ADGRL2: variants seen among roughly 807,000 people sequenced by gnomAD.
The protein encoded by ADGRL2 is calcium-independent alpha-latrotoxin receptor 2.
A neutral mutation model predicts 157.4 loss-of-function variants in ADGRL2; 44 were observed. The ratio of observed to expected loss-of-function variants is 0.28; its 90% CI spans 0.22 to 0.36. ADGRL2 has a LOEUF of 0.36. Ranked by LOEUF, ADGRL2 falls within the 10% of genes least tolerant of loss-of-function variation. The pLI is 1.00. For missense variants in ADGRL2, 1,510 were observed against 1,768.9 expected, an observed-to-expected ratio of 0.85 and a Z score of 2.63; for synonymous variants, 585 against 624.7, an observed-to-expected ratio of 0.94 and a Z score of 0.95.
intron 1 of ADGRL2, among the ~76,000 whole-genome samples, chr1:81,342,973 CT>C (rs997679146): frequency 9.9e-5 from 15 of 151,916 alleles, no homozygotes; most frequent in African/African-American, 2.9e-4. Flanking sequence ...ATGCAAGTAA[CT>C]TTTTTTCCTA....
chr1:81,792,601 G>C (rs568719363), intron 2 of ADGRL2, among the ~76,000 whole-genome samples: 1 of 152,176 alleles, frequency 6.6e-6, no homozygotes, highest in African/African-American at 2.4e-5. Context: ...AAGTGGCAAA[G>C]ACTTCAAGGG....
chr1:81,950,505 C>A, intron 7 of ADGRL2, 23 bp downstream of exon 7: 1 of 1,584,456 alleles, frequency 6.3e-7, no homozygotes, highest in Non-Finnish European at 8.6e-7. Flanking sequence ...AACTACCATG[C>A]ATACATTTTT....
intron 3 of ADGRL2, among the ~76,000 whole-genome samples, chr1:81,586,934 T>C (rs1237035069): frequency 6.6e-6 from 1 of 152,066 alleles, no homozygotes; most frequent in East Asian, 1.9e-4. Context: ...GAAAGTTATA[T>C]AATTCAAGCA....
intron 1 of ADGRL2, among the ~76,000 whole-genome samples, chr1:81,405,183 A>T (rs1470050296): frequency 6.6e-6 from 1 of 152,124 alleles, no homozygotes; most frequent in Non-Finnish European, 1.5e-5. Flanking sequence ...CACTCTGAGG[A>T]GCAGCATGCT....
intron 3 of ADGRL2, among the ~76,000 whole-genome samples, chr1:81,671,844 G>A (rs542046084): frequency 1.3e-5 from 2 of 152,300 alleles, no homozygotes; most frequent in South Asian, 4.1e-4. Flanking sequence ...GAGCTCTCAG[G>A]TGATGCTGGT....
At chr1:81,455,979 T>A (rs955270971) in intron 2 of ADGRL2, among the ~76,000 whole-genome samples, 1 of 152,218 alleles carries the variant, frequency 6.6e-6, no homozygotes, top group Non-Finnish European at 1.5e-5. Context: ...AAATTATAGT[T>A]GTAAGTTTCA....
At chr1:81,853,638 T>TA (rs1286890056) in intron 2 of ADGRL2, among the ~76,000 whole-genome samples, 1 of 152,198 alleles carries the variant, frequency 6.6e-6, no homozygotes, top group Non-Finnish European at 1.5e-5. Context: ...TCAAAGACTG[T>TA]AAAAAATGAA....
At chr1:81,817,671 G>A (rs184605404) in intron 1 of ADGRL2, among the ~76,000 whole-genome samples, 1 of 152,128 alleles carries the variant, frequency 6.6e-6, no homozygotes, top group Admixed American at 6.6e-5. Context: ...TTTATAGGGT[G>A]TAATAAAAAT....
chr1:81,625,094 C>T (rs901611633), intron 3 of ADGRL2, among the ~76,000 whole-genome samples: 1 of 152,274 alleles, frequency 6.6e-6, no homozygotes, highest in Admixed American at 6.5e-5. Context: ...ACAGAACAAG[C>T]ATTATCATCA....
At chr1:81,486,699 A>G (rs538019166) in intron 2 of ADGRL2, among the ~76,000 whole-genome samples, 1 of 152,242 alleles carries the variant, frequency 6.6e-6, no homozygotes, top group Non-Finnish European at 1.5e-5. Context: ...TTCCACCATG[A>G]CCTTTGTTCA....
intron 1 of ADGRL2, among the ~76,000 whole-genome samples, chr1:81,384,958 A>G (rs536600251): frequency 3.3e-5 from 5 of 152,254 alleles, no homozygotes; most frequent in Non-Finnish European, 4.4e-5. Context: ...TCTTCCTCCT[A>G]TTCAATTTGA....
intron 1 of ADGRL2, among the ~76,000 whole-genome samples, chr1:81,709,324 T>C (rs1381367516): frequency 2.0e-5 from 3 of 152,174 alleles, no homozygotes; most frequent in Non-Finnish European, 4.4e-5. Flanking sequence ...GCTTTAGCTC[T>C]TGGGTATAGT....
At chr1:81,636,366 TA>T in intron 3 of ADGRL2, among the ~76,000 whole-genome samples, 1 of 152,300 alleles carries the variant, frequency 6.6e-6, no homozygotes, top group East Asian at 1.9e-4. Context: ...TTTTTAAATT[TA>T]AACAAACATA....
At chr1:81,819,814 C>T (rs536916437) in intron 1 of ADGRL2, among the ~76,000 whole-genome samples, 1 of 152,228 alleles carries the variant, frequency 6.6e-6, no homozygotes, top group South Asian at 2.1e-4. Context: ...CTTAACAGCT[C>T]TTTAAACAAG....
At chr1:81,401,899 C>T (rs2076762919) in intron 1 of ADGRL2, among the ~76,000 whole-genome samples, 1 of 152,156 alleles carries the variant, frequency 6.6e-6, no homozygotes, top group Non-Finnish European at 1.5e-5. Context: ...AACATCCTCT[C>T]CTTAAAGATA....
At chr1:81,954,591 C>G (rs1557991219) in intron 10 of ADGRL2, among the ~76,000 whole-genome samples, 1 of 152,098 alleles carries the variant, frequency 6.6e-6, no homozygotes, top group Non-Finnish European at 1.5e-5. Context: ...TGAATCTGGC[C>G]TCTGCAGACC....
At chr1:81,758,235 G>A (rs1019686918) in intron 1 of ADGRL2, among the ~76,000 whole-genome samples, 2 of 152,116 alleles carry the variant, frequency 1.3e-5, no homozygotes, top group African/African-American at 4.8e-5. Context: ...CATAGAGTTT[G>A]AGGATGGTGC....
At chr1:81,777,437 AC>A (rs571782155) in intron 2 of ADGRL2, among the ~76,000 whole-genome samples, 46 of 152,186 alleles carry the variant, frequency 3.0e-4, no homozygotes, top group South Asian at 6.2e-4. Context: ...AATTATTCCA[AC>A]CAAAAGATGT....
intron 2 of ADGRL2, among the ~76,000 whole-genome samples, chr1:81,842,917 T>C (rs2092651245): frequency 6.6e-6 from 1 of 152,078 alleles, no homozygotes. Context: ...TAACTACTTT[T>C]GTTCATTTCA....
Sources: gnomAD v4.1 joint callset for allele counts (sites outside exome capture counted in the v4.1 genomes callset) on GRCh38, gnomAD v4.1.1 for gene constraint, MANE v1.5 for transcripts, NCBI Gene and HGNC (gene_info 2026-07-23, HGNC 2026-07-21) for gene names.